The following ACTR10 variants were observed in gnomAD, a reference collection of about 807,000 sequenced individuals.
ACTR10 encodes actin related protein 10.
Under a neutral mutation model 56.2 loss-of-function variants are expected in ACTR10, and 43 were observed. That is an observed-to-expected ratio of 0.77 (90% CI 0.60 to 0.99). The LOEUF is 0.99. Ranked by LOEUF, ACTR10 falls within the 50% of genes least tolerant of loss-of-function variation. The pLI, the probability that ACTR10 is intolerant of heterozygous loss-of-function variation, is 0.00. For missense variants in ACTR10, 466 were observed against 507.8 expected (o/e 0.92, Z 0.79); for synonymous variants, 170 against 176.3 (o/e 0.96, Z 0.28).
intron 1 of ACTR10, 34 bp downstream of exon 1, chr14:58,200,328 G>T: frequency 6.8e-7 from 1 of 1,465,090 alleles, no homozygotes; most frequent in Non-Finnish European, 9.0e-7. Context: ...TGTTCGACCC[G>T]AGGGGAGGGC....
chr14:58,223,920 T>C (rs1438583122), intron 10 of ACTR10, 64 bp downstream of exon 10: 2 of 1,262,796 alleles, frequency 1.6e-6, no homozygotes, highest in East Asian at 2.3e-5. Context: ...TTTAAAAATA[T>C]TTGTATGAGC....
intron 6 of ACTR10, among the ~76,000 whole-genome samples, chr14:58,214,395 A>AT (rs1454249964): frequency 4.0e-5 from 6 of 149,274 alleles, no homozygotes; most frequent in African/African-American, 1.2e-4. Flanking sequence ...TATGTACCAC[A>AT]TTTTTTTCTT....
At position 58,234,467 on chromosome 14, in the gene ACTR10, C is replaced by A; in HGVS notation, c.1170C>A (p.Leu390=). 1 of 1,613,576 alleles carries A rather than the reference C, an allele frequency of 6.2e-7. No homozygotes were observed. The highest frequency in any genetic ancestry group is 2.2e-5 in the East Asian group (1 of 44,838). The change falls in exon 13 of 13, where the codon CTC becomes CTA. Residue 390 remains leucine (L), a synonymous_variant. Transcript: ENST00000254286. ...GCCGTATACCTGATTGGTGTTCTCT[C>A]AATAACCCACCTTTGGAAATGATGT... ...QTGRIPDWCS[L]NNPPLEMMFD...
In ACTR10 at chr14:58,209,005, A is replaced by G. The variant is rs1888932012; in HGVS notation, c.240A>G (p.Leu80=). ...EFIHILYFRH[L]LVNPRDRRVV... is the part of the protein sequence containing the mutation. ...CAAAACTTTCACTTTTCAGGCATCT[A>G]TTGGTGAATCCCAGAGACCGCCGAG... The change falls in exon 4 of 13, where the codon CTA becomes CTG. Residue 80 remains leucine, a synonymous_variant. Coordinates refer to ENST00000254286, the MANE Select transcript of ACTR10 (RefSeq NM_018477.3). 2.5e-6 allele frequency: 4 copies of G among 1,607,006 alleles called. No individual in the cohort carries two copies. The highest frequency in any genetic ancestry group is 2.2e-5 in the East Asian group (1 of 44,778).
At chr14:58,223,526 T>C in intron 8 of ACTR10, 96 bp from the exon 9 acceptor site, 1 of 890,638 alleles carries the variant, frequency 1.1e-6, no homozygotes, top group African/African-American at 1.7e-5. Flanking sequence ...ATGATGAGCA[T>C]GTTCACTTGA....
At chr14:58,222,060 ATG>A (rs1331400838) in intron 8 of ACTR10, among the ~76,000 whole-genome samples, 1 of 152,176 alleles carries the variant, frequency 6.6e-6, no homozygotes, top group Non-Finnish European at 1.5e-5. Flanking sequence ...TTCTCAACAC[ATG>A]TGTTTTGAAT....
intron 10 of ACTR10, among the ~76,000 whole-genome samples, chr14:58,229,988 G>A (rs1382110798): frequency 1.3e-5 from 2 of 151,964 alleles, no homozygotes; most frequent in African/African-American, 4.8e-5. Context: ...AAAGAAATGG[G>A]GGGTGATTGC....
At position 58,219,698 on chromosome 14, in the gene ACTR10, A is replaced by G; in HGVS notation, c.603A>G (p.Ser201=). 2 of 1,509,954 alleles carry G rather than the reference A, an allele frequency of 1.3e-6. No individual in the cohort carries two copies. The highest frequency in any genetic ancestry group is 1.8e-6 in the Non-Finnish European group (2 of 1,127,166). The allele number at this position is 1,509,954 out of a possible 1,614,324, so 93.5% of individuals were successfully genotyped here. A position where few individuals can be genotyped will look rare whatever the true frequency, so the allele number is the denominator to read the frequency against. ...TAAATGAAATATTTGTTTTAGGTTC[A>G]GTTCCGGAAGGTGTCTTAGAGGACA... is the stretch of plus-strand genomic sequence containing the variant. ...KEQSLPSVMG[S]VPEGVLEDIK... is the part of the protein sequence containing the mutation. The change falls in exon 8 of 13, where the codon TCA becomes TCG. Residue 201 remains serine (S), a synonymous_variant. Coordinates refer to ENST00000254286, the MANE Select transcript of ACTR10 (RefSeq NM_018477.3).
chr14:58,210,254 T>G (rs913509002), intron 4 of ACTR10, among the ~76,000 whole-genome samples: 1 of 152,198 alleles, frequency 6.6e-6, no homozygotes, highest in Non-Finnish European at 1.5e-5. Context: ...GGCACCAGGT[T>G]TGGCAAATTC....
chr14:58,209,926 C>T (rs1228184478), intron 4 of ACTR10, among the ~76,000 whole-genome samples: 1 of 152,084 alleles, frequency 6.6e-6, no homozygotes, highest in Non-Finnish European at 1.5e-5. Flanking sequence ...GAGGTAAAGG[C>T]ACTTAATATT....
chr14:58,200,223 G>A lies in ACTR10; in HGVS notation c.6G>A (p.Pro2=), dbSNP rs1398209684. The A allele has an allele frequency of 2.0e-6, 3 of 1,532,982 alleles. No individual in the cohort carries two copies. The highest frequency in any genetic ancestry group is 1.4e-5 in the African/African-American group (1 of 69,930). 95.0% of individuals were successfully genotyped at this position (1,532,982 alleles called of 1,614,324 possible). ...TCTCAGTCTGCCTTACTACCATGCCGCTCTACGAGGGCCTGGGGAGCGGCG... is the reference window on the plus strand; with the variant it reads ...TCTCAGTCTGCCTTACTACCATGCCACTCTACGAGGGCCTGGGGAGCGGCG... M[P]LYEGLGSGGE... The change falls in exon 1 of 13, where the codon CCG becomes CCA. Residue 2 remains proline (P), a synonymous_variant. Transcript: ENST00000254286.
Position 58,209,088 on chromosome 14 carries a change from T to C in ACTR10, c.323T>C (p.Val108Ala). Residue 108 changes from valine to alanine, a missense_variant, in exon 4 of 13, where the codon GTT becomes GCT. Transcript: ENST00000254286. ...CACTTCAGAGAGACACTCACTCGTG[T>C]TCTTTTCAAATATTTTGAGGTACCT... is the stretch of plus-strand genomic sequence containing the variant. ...PSHFRETLTRVLFKYFEVPSV... is the reference protein window; with the variant it reads ...PSHFRETLTRALFKYFEVPSV... 6.3e-7 allele frequency: 1 copy of C among 1,592,072 alleles called. No individual in the cohort carries two copies. Among genetic ancestry groups the C allele is most frequent in the Non-Finnish European group, 8.6e-7 (1 of 1,168,576 alleles).
intron 2 of ACTR10, among the ~76,000 whole-genome samples, chr14:58,203,302 C>CAAAAAAA (rs11384472): frequency 5.7e-5 from 6 of 105,352 alleles, no homozygotes; most frequent in Non-Finnish European, 7.2e-5. Flanking sequence ...GACTTCGTCT[C>CAAAAAAA]AAAAAAAAAA....
At chr14:58,232,019 T>C in intron 11 of ACTR10, 47 bp from the exon 12 acceptor site, 1 of 1,287,872 alleles carries the variant, frequency 7.8e-7, no homozygotes, top group Non-Finnish European at 1.1e-6. Flanking sequence ...TCAAGCATTA[T>C]TTGTACAGTT....
At chr14:58,225,302 G>A (rs1331907832) in intron 10 of ACTR10, among the ~76,000 whole-genome samples, 1 of 152,080 alleles carries the variant, frequency 6.6e-6, no homozygotes, top group African/African-American at 2.4e-5. Context: ...ATAAGTTGTT[G>A]TTAAGACTTA....
intron 6 of ACTR10, 142 bp from the exon 7 acceptor site, chr14:58,215,063 G>C: frequency 2.0e-6 from 1 of 504,820 alleles, no homozygotes; most frequent in Non-Finnish European, 3.5e-6. Context: ...CTGGGATTGC[G>C]CCACTTCACT....
intron 7 of ACTR10, among the ~76,000 whole-genome samples, chr14:58,217,526 G>A (rs920276465): frequency 6.6e-6 from 1 of 151,958 alleles, no homozygotes; most frequent in African/African-American, 2.4e-5. Flanking sequence ...AATTAGCTGG[G>A]CATGGTGGCT....
rs746993856 is a variant in ACTR10, at chr14:58,202,885, A to T, written c.108A>T (p.Arg36Ser). 8 of 1,609,270 alleles carry T rather than the reference A, an allele frequency of 5.0e-6. No homozygotes were observed. The highest frequency in any genetic ancestry group is 5.1e-6 in the Non-Finnish European group (6 of 1,177,720). Residue 36 changes from arginine (R) to serine (S), a missense_variant, in exon 2 of 13, where the codon AGA becomes AGT. By Grantham distance (110) the Arg-to-Ser change is moderately radical. Transcript: ENST00000254286. ...KCGFAGETGP[R>S]CIIPSVIKRA... ...GATTTGCTGGAGAAACTGGTCCAAG[A>T]TGTATAATTCCTAGTGTGATAAAAA...
chr14:58,219,115 TG>T (rs1889207581), intron 7 of ACTR10, among the ~76,000 whole-genome samples: 1 of 152,132 alleles, frequency 6.6e-6, no homozygotes, highest in Non-Finnish European at 1.5e-5. Flanking sequence ...CCACTGCGCC[TG>T]GCCCCAAAGT....
Sources: allele counts gnomAD v4.1 joint callset (sites outside exome capture counted in the v4.1 genomes callset), GRCh38; gene constraint gnomAD v4.1.1; transcripts MANE v1.5; gene names NCBI Gene and HGNC (gene_info 2026-07-23, HGNC 2026-07-21).